Variants in ITGA8 observed in about 807,000 individuals in gnomAD.
ITGA8 encodes integrin subunit alpha 8.
ITGA8 carries 91 observed loss-of-function variants against 142.3 expected under a neutral mutation model. That is an observed-to-expected ratio of 0.64 (90% confidence interval 0.54 to 0.76). The LOEUF (loss-of-function observed/expected upper bound fraction) is 0.76, where lower values mean the gene tolerates loss of function less well. ITGA8 is among the 30% of genes least tolerant of loss of function. The pLI, the probability that ITGA8 is intolerant of heterozygous loss-of-function variation, is 0.00. For synonymous variants in ITGA8, 505 were observed against 485.2 expected (o/e 1.04, Z -0.54); for missense variants, 1,406 against 1,327.7 (o/e 1.06, Z -0.92).
At chr10:15,570,861 A>G (rs984287630) in intron 25 of ITGA8, among the ~76,000 whole-genome samples, 1 of 152,188 alleles carries the variant, frequency 6.6e-6, no homozygotes, top group African/African-American at 2.4e-5. Flanking sequence ...ATTACACTCA[A>G]AAAGAGTTAG....
chr10:15,709,936 A>G (rs996962736), intron 2 of ITGA8, among the ~76,000 whole-genome samples: 1 of 152,226 alleles, frequency 6.6e-6, no homozygotes, highest in Non-Finnish European at 1.5e-5. Context: ...AAACCAGTCA[A>G]CCATCAGCTC....
At chr10:15,544,723 T>C (rs1833637259) in intron 27 of ITGA8, among the ~76,000 whole-genome samples, 1 of 152,160 alleles carries the variant, frequency 6.6e-6, no homozygotes, top group Non-Finnish European at 1.5e-5. Context: ...CTTGTGTGGG[T>C]GCCTCGCCTA....
chr10:15,622,822 C>T (rs1349845117), intron 13 of ITGA8, among the ~76,000 whole-genome samples: 2 of 152,202 alleles, frequency 1.3e-5, no homozygotes, highest in South Asian at 2.1e-4. Flanking sequence ...AGCCATTTCA[C>T]ATAAAAATAA....
At chr10:15,608,073 A>G (rs944815081) in intron 16 of ITGA8, among the ~76,000 whole-genome samples, 162 bp downstream of exon 16, 1 of 152,306 alleles carries the variant, frequency 6.6e-6, no homozygotes, top group Middle Eastern at 3.4e-3. Context: ...TAATAGTATT[A>G]CCAAGTATTG....
chr10:15,637,106 C>T (rs993167250), intron 13 of ITGA8, among the ~76,000 whole-genome samples: 20 of 152,202 alleles, frequency 1.3e-4, no homozygotes, highest in African/African-American at 4.3e-4. Flanking sequence ...GATTGTGACG[C>T]TGCACTCCAA....
At chr10:15,684,604 C>T (rs1443514973) in intron 3 of ITGA8, among the ~76,000 whole-genome samples, 2 of 152,028 alleles carry the variant, frequency 1.3e-5, no homozygotes, top group African/African-American at 4.8e-5. Flanking sequence ...ATCTCCTGGG[C>T]TTAAGTGATC....
At chr10:15,715,510 C>T (rs1835434665) in intron 2 of ITGA8, among the ~76,000 whole-genome samples, 1 of 152,174 alleles carries the variant, frequency 6.6e-6, no homozygotes, top group African/African-American at 2.4e-5. Context: ...CCAGTCCTGC[C>T]TCTACCACCT....
chr10:15,572,332 A>T lies in ITGA8; in HGVS notation c.2516T>A (p.Ile839Asn). The T allele has an allele frequency of 6.2e-7, 1 of 1,614,134 alleles. No homozygotes were observed. The highest frequency in any genetic ancestry group is 1.3e-5 in the African/African-American group (1 of 75,056). Residue 839 changes from isoleucine (I) to asparagine (N), a missense_variant, in exon 25 of 30, where the codon ATC becomes AAC. By Grantham distance (149) the Ile-to-Asn change is moderately radical. Transcript: ENST00000378076. ...NIGPSTISDT[I>N]LEVGWPFSAR... ...AGAGAAAGGCCAGCCCACCTCCAGG[A>T]TGGTGTCACTGATGGTACTTGGTCC...
chr10:15,702,345 C>A (rs1396362740), intron 2 of ITGA8, among the ~76,000 whole-genome samples: 2 of 150,970 alleles, frequency 1.3e-5, no homozygotes, highest in Non-Finnish European at 2.9e-5. Context: ...GGCTAGAGTA[C>A]AATGGCACTA....
At chr10:15,685,439 C>T (rs1451948182) in intron 3 of ITGA8, among the ~76,000 whole-genome samples, 1 of 151,972 alleles carries the variant, frequency 6.6e-6, no homozygotes, top group African/African-American at 2.4e-5. Context: ...ATTTAACTGC[C>T]CACAGGACTT....
chr10:15,688,688 G>A (rs1461565844), intron 2 of ITGA8, among the ~76,000 whole-genome samples: 2 of 152,148 alleles, frequency 1.3e-5, no homozygotes, highest in African/African-American at 2.4e-5. Flanking sequence ...TGCAAGGATA[G>A]GTCAACATAG....
At chr10:15,631,718 GAAA>G (rs112308190) in intron 13 of ITGA8, among the ~76,000 whole-genome samples, 16 of 116,826 alleles carry the variant, frequency 1.4e-4, no homozygotes, top group East Asian at 1.0e-3. Flanking sequence ...AGTATATTAA[GAAA>G]AAAAAAAAAA....
chr10:15,662,264 T>C (rs1588706130), intron 8 of ITGA8, among the ~76,000 whole-genome samples: 1 of 150,926 alleles, frequency 6.6e-6, no homozygotes, highest in African/African-American at 2.4e-5. Flanking sequence ...AAATATTCAG[T>C]TGCAAGAAAA....
At chr10:15,654,864 G>A (rs1300058756) in intron 11 of ITGA8, among the ~76,000 whole-genome samples, 1 of 152,168 alleles carries the variant, frequency 6.6e-6, no homozygotes, top group Non-Finnish European at 1.5e-5. Context: ...AATGACTTAA[G>A]CACAACCAAA....
chr10:15,677,695 T>A, intron 5 of ITGA8, 58 bp from the exon 6 acceptor site: 1 of 1,520,122 alleles, frequency 6.6e-7, no homozygotes, highest in Non-Finnish European at 9.1e-7. Context: ...TAAACATTTT[T>A]AAAGGGTGAT....
At chr10:15,694,354 T>C (rs7393017) in intron 2 of ITGA8, among the ~76,000 whole-genome samples, 20,432 of 103,050 alleles carry the variant, frequency 0.2, 2,086 homozygotes, top group South Asian at 0.24. Flanking sequence ...TAATATATCA[T>C]ATATCAGATA....
At chr10:15,703,110 C>T (rs555440667) in intron 2 of ITGA8, among the ~76,000 whole-genome samples, 1 of 152,224 alleles carries the variant, frequency 6.6e-6, no homozygotes, top group African/African-American at 2.4e-5. Context: ...AATAACAAAG[C>T]TAAGTGAGCT....
chr10:15,628,426 G>T lies in ITGA8; in HGVS notation c.1400-11867C>A, dbSNP rs183684242. On this transcript the variant is annotated intron_variant, in intron 13 of 29. Coordinates refer to ENST00000378076, the MANE Select transcript of ITGA8 (RefSeq NM_003638.3). Reference sequence around the variant, plus strand: ...CTGCTCACTGCAAGCTCCGCCTCCTGGGTTCACGCCATTCTCCTGCCTCAG... The same window carrying T: ...CTGCTCACTGCAAGCTCCGCCTCCTTGGTTCACGCCATTCTCCTGCCTCAG... Among the ~76,000 whole-genome samples, 866 of 137,796 alleles carry T rather than the reference G, an allele frequency of 6.3e-3. 17 individuals carry two copies. The highest frequency in any genetic ancestry group is 0.023 in the African/African-American group (836 of 36,912). The allele number at this position is 137,796 out of a possible 152,430, so 90.4% of individuals were successfully genotyped here.
intron 27 of ITGA8, among the ~76,000 whole-genome samples, chr10:15,538,636 C>T (rs1833503963): frequency 6.7e-6 from 1 of 150,098 alleles, no homozygotes; most frequent in African/African-American, 2.4e-5. Context: ...TACCCTAAAA[C>T]TTAAAGTATA....
Sources: allele counts gnomAD v4.1 joint callset (sites outside exome capture counted in the v4.1 genomes callset), GRCh38; gene constraint gnomAD v4.1.1; transcripts MANE v1.5; gene names NCBI Gene and HGNC (gene_info 2026-07-23, HGNC 2026-07-21).